Variants in PIEZO2 observed in about 807,000 individuals in gnomAD.
PIEZO2 encodes the protein piezo type mechanosensitive ion channel component 2.
PIEZO2 carries 172 observed loss-of-function variants against 337.3 expected under a neutral mutation model. The observed-to-expected ratio is 0.51, with a 90% CI of 0.45 to 0.58. The LOEUF is 0.58. Among genes scored for constraint, PIEZO2 ranks in the 20% least tolerant of loss-of-function variants. The pLI, the probability that PIEZO2 is intolerant of heterozygous loss-of-function variation, is 0.00. For synonymous variants in PIEZO2, 1,251 were observed against 1,228.5 expected (o/e 1.02, Z -0.38); for missense variants, 3,028 against 3,391.3 (o/e 0.89, Z 2.66).
At chr18:11,024,312 G>C (rs942919291) in intron 2 of PIEZO2, among the ~76,000 whole-genome samples, 3 of 152,066 alleles carry the variant, frequency 2.0e-5, no homozygotes, top group Admixed American at 1.3e-4. Flanking sequence ...CTGGGAGGCC[G>C]AGGCGAGCAG....
In PIEZO2 at chr18:10,791,266, G is replaced by A. The variant is rs1246343214; in HGVS notation, c.1817C>T (p.Ala606Val). Reference sequence around the variant, plus strand: ...TAAAAGAGCTTCCTTTTCTTGCAGAGCTTTTTGCTCTGTGAGGTGCTGCCT... The same window carrying A: ...TAAAAGAGCTTCCTTTTCTTGCAGAACTTTTTGCTCTGTGAGGTGCTGCCT... ...LLRQHLTEQK[A>V]LQEKEALLSE... Residue 606 changes from alanine (A) to valine (V), a missense_variant, in exon 14 of 56, where the codon GCT becomes GTT. Ala to Val is a moderately conservative substitution (Grantham distance 64). Coordinates refer to ENST00000674853, the MANE Select transcript of PIEZO2 (RefSeq NM_001378183.1). The A allele has an allele frequency of 2.6e-6, 4 of 1,536,158 alleles. No individual in the cohort carries two copies. Among genetic ancestry groups the A allele is most frequent in the Non-Finnish European group, 2.6e-6 (3 of 1,146,362 alleles).
intron 3 of PIEZO2, among the ~76,000 whole-genome samples, chr18:10,978,742 A>G (rs527875436): frequency 6.6e-6 from 1 of 152,316 alleles, no homozygotes; most frequent in African/African-American, 2.4e-5. Flanking sequence ...GGGTTCCTCA[A>G]AGAAAAACTG....
chr18:11,119,185 T>C (rs2039968028), intron 1 of PIEZO2, among the ~76,000 whole-genome samples: 3 of 148,622 alleles, frequency 2.0e-5, no homozygotes, highest in Middle Eastern at 3.6e-3. Flanking sequence ...TCTTGCTCTG[T>C]CACCCAGGCT....
In PIEZO2 at chr18:10,724,847, T is replaced by A; in HGVS notation, c.5029+6560A>T. The A allele has an allele frequency of 1.2e-6, 2 of 1,603,394 alleles. No individual in the cohort carries two copies. The highest frequency in any genetic ancestry group is 1.7e-6 in the Non-Finnish European group (2 of 1,174,600). ...ATGCACCTGGGCCACGGCGGCCACA[T>A]GCGTCGCAGTGAGAGCACCTACTCT... On this transcript the variant is annotated intron_variant, in intron 36 of 55. Coordinates refer to ENST00000674853, the MANE Select transcript of PIEZO2 (RefSeq NM_001378183.1). This position sits in a 1 kb window ranked among gnomAD's most constrained non-coding sequence, Gnocchi z 5.8.
chr18:10,805,907 T>C (rs1338727415), intron 8 of PIEZO2, among the ~76,000 whole-genome samples: 1 of 152,204 alleles, frequency 6.6e-6, no homozygotes, highest in Non-Finnish European at 1.5e-5. Flanking sequence ...ACCGGAGCCA[T>C]GCGCCTCCTG....
chr18:10,789,061 G>T lies in PIEZO2; in HGVS notation c.2169+18C>A. On this transcript the variant is annotated intron_variant, in intron 15 of 55. Transcript: ENST00000674853. ...CTGGGAGAGATGTGAGAATTAAAAT[G>T]GTCAACTGTGTACCTACCTGGTATA... 1 of 1,525,672 alleles carries T rather than the reference G, an allele frequency of 6.6e-7. No individual in the cohort carries two copies. The highest frequency in any genetic ancestry group is 8.8e-7 in the Non-Finnish European group (1 of 1,140,000). The allele number at this position is 1,525,672 out of a possible 1,614,324, so 94.5% of individuals were successfully genotyped here. A position where few individuals can be genotyped will look rare whatever the true frequency, so the allele number is the denominator to read the frequency against.
At chr18:11,091,337 T>C (rs1442830106) in intron 1 of PIEZO2, among the ~76,000 whole-genome samples, 1 of 138,668 alleles carries the variant, frequency 7.2e-6, no homozygotes, top group Non-Finnish European at 1.5e-5. Context: ...TGAGTCCAGA[T>C]GGTGACAGAG....
intron 36 of PIEZO2, among the ~76,000 whole-genome samples, chr18:10,720,234 G>GCGTGTA (rs1555631512): frequency 1.2e-4 from 14 of 119,898 alleles, no homozygotes; most frequent in African/African-American, 4.7e-4. Flanking sequence ...GTGTGTGTGT[G>GCGTGTA]TATATATATA....
chr18:10,781,708 C>G lies in PIEZO2; in HGVS notation c.2493-1342G>C, dbSNP rs918063719. ...TCTGTAAGTCTAAACATAATAAATTCTGCTTCATACACAAGTGACATGTGC... is the reference window on the plus strand; with the variant it reads ...TCTGTAAGTCTAAACATAATAAATTGTGCTTCATACACAAGTGACATGTGC... On this transcript the variant is annotated intron_variant, in intron 17 of 55. Transcript: ENST00000674853. The surrounding 1 kb of genome is among the most constrained non-coding windows in gnomAD (Gnocchi z 4.1). Among the ~76,000 whole-genome samples the G allele has an allele frequency of 6.6e-6, 1 of 152,078 alleles. No individual in the cohort carries two copies. Among genetic ancestry groups the G allele is most frequent in the African/African-American group, 2.4e-5 (1 of 41,400 alleles).
At position 10,713,154 on chromosome 18, in the gene PIEZO2, C is replaced by T. The variant is rs2035884528; in HGVS notation, c.5423+1610G>A. ...ATTTTAAATTAGGCTTAGCATACATCTTATTTTAAAACTTGGATTTTTACT... is the reference window on the plus strand; with the variant it reads ...ATTTTAAATTAGGCTTAGCATACATTTTATTTTAAAACTTGGATTTTTACT... On this transcript the variant is annotated intron_variant, in intron 39 of 55. Coordinates refer to ENST00000674853, the MANE Select transcript of PIEZO2 (RefSeq NM_001378183.1). This position sits in a 1 kb window ranked among gnomAD's most constrained non-coding sequence, Gnocchi z 4.5. Among the ~76,000 whole-genome samples, 1 of 152,046 alleles carries T rather than the reference C, an allele frequency of 6.6e-6. No homozygotes were observed. The highest frequency in any genetic ancestry group is 2.1e-4 in the South Asian group (1 of 4,830).
chr18:10,906,623 C>T (rs888619353), intron 4 of PIEZO2, among the ~76,000 whole-genome samples: 19 of 151,654 alleles, frequency 1.3e-4, no homozygotes, highest in African/African-American at 3.6e-4. Flanking sequence ...TGCAGAGGGG[C>T]GATTTGGGCT....
At chr18:10,811,752 C>A (rs879577648) in intron 7 of PIEZO2, among the ~76,000 whole-genome samples, 30 of 152,240 alleles carry the variant, frequency 2.0e-4, no homozygotes, top group Non-Finnish European at 2.2e-4. Flanking sequence ...TGGCTATTAA[C>A]AAACATTTTG....
intron 1 of PIEZO2, among the ~76,000 whole-genome samples, chr18:11,139,828 A>G (rs556169249): frequency 1.2e-4 from 18 of 152,244 alleles, no homozygotes; most frequent in Admixed American, 5.2e-4. Context: ...GTCAAGATAG[A>G]CTTCTGTTCA....
At chr18:10,807,700 G>T (rs2040044553) in intron 7 of PIEZO2, among the ~76,000 whole-genome samples, 1 of 152,098 alleles carries the variant, frequency 6.6e-6, no homozygotes, top group African/African-American at 2.4e-5. Flanking sequence ...TTTGTTTTTG[G>T]CTAGGTTCAG....
At position 10,759,009 on chromosome 18, in the gene PIEZO2, G is replaced by A. The variant is rs1014927842; in HGVS notation, c.3757+473C>T. On this transcript the variant is annotated intron_variant, in intron 26 of 55. Transcript: ENST00000674853. The surrounding 1 kb of genome is among the most constrained non-coding windows in gnomAD (Gnocchi z 5.5). Reference sequence around the variant, plus strand: ...TCTTGGAGGAGCTGCTCTGACCTTTGGATCACCAGCTGCCATGGGAAGGCC... The same window carrying A: ...TCTTGGAGGAGCTGCTCTGACCTTTAGATCACCAGCTGCCATGGGAAGGCC... 2.0e-5 allele frequency among the ~76,000 whole-genome samples: 3 copies of A among 152,170 alleles called. No individual in the cohort carries two copies. The highest frequency in any genetic ancestry group is 4.4e-5 in the Non-Finnish European group (3 of 68,028).
At chr18:10,811,230 A>T (rs1350636759) in intron 7 of PIEZO2, among the ~76,000 whole-genome samples, 1 of 152,070 alleles carries the variant, frequency 6.6e-6, no homozygotes, top group African/African-American at 2.4e-5. Context: ...AATGTCTATG[A>T]TTTCTCCTTC....
intron 5 of PIEZO2, among the ~76,000 whole-genome samples, chr18:10,858,646 C>T (rs1028025090): frequency 3.9e-5 from 6 of 152,128 alleles, no homozygotes; most frequent in African/African-American, 2.4e-5. Context: ...ACCAAGTTCA[C>T]GGGAGGAAGG....
intron 1 of PIEZO2, among the ~76,000 whole-genome samples, chr18:11,135,604 A>G (rs951420177): frequency 6.6e-6 from 1 of 152,074 alleles, no homozygotes; most frequent in Non-Finnish European, 1.5e-5. Context: ...CTGGAGTGCA[A>G]TGGCGTGATC....
At chr18:10,732,883 A>G (rs1428756526) in intron 35 of PIEZO2, among the ~76,000 whole-genome samples, 1 of 152,246 alleles carries the variant, frequency 6.6e-6, no homozygotes, top group Non-Finnish European at 1.5e-5. Flanking sequence ...ATTACTGAAC[A>G]TAAGAAATTT....
Sources: gnomAD v4.1 joint callset for allele counts (sites outside exome capture counted in the v4.1 genomes callset) on GRCh38, gnomAD v4.1.1 for gene constraint, Gnocchi (gnomAD v3.1) non-coding constraint, MANE v1.5 for transcripts, NCBI Gene and HGNC (gene_info 2026-07-23, HGNC 2026-07-21) for gene names.